LAMB4: variants seen among roughly 807,000 people sequenced by gnomAD.
LAMB4 encodes laminin subunit beta-4.
Under a neutral mutation model 199.2 loss-of-function variants are expected in LAMB4, and 196 were observed. That is an observed-to-expected ratio of 0.98 (90% CI 0.88 to 1.11). The LOEUF is 1.11. Among genes scored for constraint, LAMB4 ranks in the 50% least tolerant of loss-of-function variants. The pLI, the probability that LAMB4 is intolerant of heterozygous loss-of-function variation, is 0.00. For missense variants in LAMB4, 2,080 were observed against 2,171.2 expected (o/e 0.96, Z 0.83); for synonymous variants, 744 against 770.6 (o/e 0.97, Z 0.57).
At chr7:108,060,644 G>A (rs1379645428) in intron 23 of LAMB4, among the ~76,000 whole-genome samples, 1 of 152,184 alleles carries the variant, frequency 6.6e-6, no homozygotes, top group East Asian at 1.9e-4. Context: ...AGGGACACAG[G>A]AGCCACTGAG....
At chr7:108,077,680 C>T (rs926954564) in intron 16 of LAMB4, among the ~76,000 whole-genome samples, 2 of 151,618 alleles carry the variant, frequency 1.3e-5, no homozygotes, top group Admixed American at 6.6e-5. Context: ...GGCAACAGGG[C>T]GAGACTCTGA....
chr7:108,038,545 T>G (rs2035309949), intron 29 of LAMB4, among the ~76,000 whole-genome samples: 1 of 152,224 alleles, frequency 6.6e-6, no homozygotes, highest in African/African-American at 2.4e-5. Context: ...GATGAACTGT[T>G]AGAGCAAGCT....
intron 17 of LAMB4, among the ~76,000 whole-genome samples, chr7:108,073,442 T>A (rs1306385830): frequency 6.6e-6 from 1 of 152,212 alleles, no homozygotes; most frequent in Admixed American, 6.5e-5. Flanking sequence ...CCTAATATAT[T>A]TTTTACTCTA....
intron 8 of LAMB4, 97 bp downstream of exon 8, chr7:108,105,718 ATT>A: frequency 9.5e-7 from 1 of 1,047,486 alleles, no homozygotes; most frequent in South Asian, 1.4e-5. Flanking sequence ...TGGCACTTAG[ATT>A]TGTTGATCTC....
At chr7:108,048,315 C>T (rs2035710986) in intron 27 of LAMB4, among the ~76,000 whole-genome samples, 3 of 152,132 alleles carry the variant, frequency 2.0e-5, no homozygotes, top group Admixed American at 6.5e-5. Context: ...CAGGCACCCA[C>T]TACCACGCCT....
intron 28 of LAMB4, among the ~76,000 whole-genome samples, chr7:108,046,521 G>T (rs1008930219): frequency 1.3e-5 from 2 of 151,826 alleles, no homozygotes; most frequent in Non-Finnish European, 2.9e-5. Context: ...TGTCAAAAAA[G>T]AAACAGATTG....
At chr7:108,050,282 A>G (rs1350556226) in intron 26 of LAMB4, among the ~76,000 whole-genome samples, 1 of 152,084 alleles carries the variant, frequency 6.6e-6, no homozygotes, top group Admixed American at 6.6e-5. Context: ...CTTCCCATCA[A>G]TTTTCTTCCT....
rs761298594 is a variant in LAMB4, at chr7:108,062,940, C to T, written c.3116G>A (p.Gly1039Glu). The T allele has an allele frequency of 1.2e-6, 2 of 1,607,310 alleles. No homozygotes were observed. The highest frequency in any genetic ancestry group is 1.3e-5 in the African/African-American group (1 of 74,616). ...VSPMECPPGG[G>E]ACLCDPVTGA... ...AGTGACAGGGTCACAGAGGCAAGCTCCCCCACCAGGGGGACACTCCATGGG... is the reference window on the plus strand; with the variant it reads ...AGTGACAGGGTCACAGAGGCAAGCTTCCCCACCAGGGGGACACTCCATGGG... The change falls in exon 23 of 34, where the codon GGA becomes GAA. Residue 1039 changes from glycine to glutamate, a missense_variant. Coordinates refer to ENST00000388781, the MANE Select transcript of LAMB4 (RefSeq NM_007356.3).
intron 21 of LAMB4, among the ~76,000 whole-genome samples, chr7:108,064,849 T>G (rs2036280177): frequency 6.6e-6 from 1 of 152,174 alleles, no homozygotes; most frequent in South Asian, 2.1e-4. Context: ...AGTTATCTTC[T>G]TATTTTCAGT....
chr7:108,050,727 T>C (rs2035801056), intron 26 of LAMB4, among the ~76,000 whole-genome samples: 1 of 152,200 alleles, frequency 6.6e-6, no homozygotes, highest in Non-Finnish European at 1.5e-5. Flanking sequence ...TTTTCACTTA[T>C]CATGAAAAAA....
At chr7:108,099,682 G>A (rs554866997) in intron 10 of LAMB4, among the ~76,000 whole-genome samples, 3 of 152,102 alleles carry the variant, frequency 2.0e-5, no homozygotes, top group Non-Finnish European at 2.9e-5. Flanking sequence ...TGATTTTAAG[G>A]AACAGTCACA....
At chr7:108,079,810 T>C (rs1187703297) in intron 14 of LAMB4, 24 bp from the exon 15 acceptor site, 4 of 1,536,914 alleles carry the variant, frequency 2.6e-6, no homozygotes, top group Non-Finnish European at 3.5e-6. Flanking sequence ...GGAATGTAAA[T>C]AGCTTTGCCT....
At chr7:108,113,513 A>C (rs1019702530) in intron 3 of LAMB4, among the ~76,000 whole-genome samples, 22 of 152,356 alleles carry the variant, frequency 1.4e-4, no homozygotes, top group African/African-American at 5.3e-4. Context: ...CCTTTTGAAA[A>C]TTAAGGCAAA....
intron 17 of LAMB4, among the ~76,000 whole-genome samples, chr7:108,073,965 G>A (rs2036614564): frequency 6.6e-6 from 1 of 152,140 alleles, no homozygotes; most frequent in Non-Finnish European, 1.5e-5. Flanking sequence ...TGGTGGTGGT[G>A]GTGGTGGTGA....
chr7:108,066,342 A>T, intron 20 of LAMB4, 27 bp downstream of exon 20: 1 of 1,555,296 alleles, frequency 6.4e-7, no homozygotes, highest in South Asian at 1.1e-5. Context: ...AAAGACCTAA[A>T]AATTAAAGTG....
chr7:108,087,134 T>C (rs1172092608), intron 14 of LAMB4, among the ~76,000 whole-genome samples: 1 of 152,120 alleles, frequency 6.6e-6, no homozygotes, highest in Non-Finnish European at 1.5e-5. Flanking sequence ...CACGAAGCCT[T>C]CTCTGAAATT....
rs369690971 is a variant in LAMB4 at position 108,052,257 on chromosome 7, T to C, written c.3756A>G (p.Arg1252=). Residue 1252 remains arginine (R), a splice_region_variant and synonymous_variant, in exon 26 of 34, where the codon AGA becomes AGG. Coordinates refer to ENST00000388781, the MANE Select transcript of LAMB4 (RefSeq NM_007356.3). Reference sequence around the variant, plus strand: ...GTTCATTTAGCTGCATGATTTGTCTTCTATAGAGGAAATAAGGGTAAATGT... The same window carrying C: ...GTTCATTTAGCTGCATGATTTGTCTCCTATAGAGGAAATAAGGGTAAATGT... ...LKVKDYHDSV[R]RQIMQLNEQL... 4 of 1,584,278 alleles carry C rather than the reference T, an allele frequency of 2.5e-6. No individual in the cohort carries two copies. The highest frequency in any genetic ancestry group is 2.7e-5 in the African/African-American group (2 of 74,358).
intron 14 of LAMB4, among the ~76,000 whole-genome samples, chr7:108,090,573 C>T (rs2037360735): frequency 6.6e-6 from 1 of 152,086 alleles, no homozygotes; most frequent in Admixed American, 6.6e-5. Flanking sequence ...TATTGGCATA[C>T]TTGATATTAT....
At chr7:108,046,236 A>ATT (rs559845089) in intron 28 of LAMB4, among the ~76,000 whole-genome samples, 5 of 132,854 alleles carry the variant, frequency 3.8e-5, no homozygotes, top group Non-Finnish European at 8.2e-5. Context: ...TCCTGGCTAA[A>ATT]TTTTTTTTTT....
Sources: gnomAD v4.1 joint callset for allele counts (sites outside exome capture counted in the v4.1 genomes callset) on GRCh38, gnomAD v4.1.1 for gene constraint, MANE v1.5 for transcripts, NCBI Gene and HGNC (gene_info 2026-07-23, HGNC 2026-07-21) for gene names.